The following SLC24A2 variants were observed in gnomAD, a reference collection of about 807,000 sequenced individuals.
SLC24A2 encodes solute carrier family 24 member 2, also known as sodium/potassium/calcium exchanger 2.
A neutral mutation model predicts 62.0 loss-of-function variants in SLC24A2; 36 were observed. That is an observed-to-expected ratio of 0.58 (90% CI 0.44 to 0.77). The LOEUF (loss-of-function observed/expected upper bound fraction) is 0.77. Ranked by LOEUF, SLC24A2 falls within the 30% of genes least tolerant of loss-of-function variation. The probability of loss-of-function intolerance (pLI) is 0.00; values close to 1 mark genes in which losing one functional copy is unlikely to be tolerated. For synonymous variants in SLC24A2, 358 were observed against 294.0 expected (o/e 1.22, Z -2.23); for missense variants, 846 against 817.9 (o/e 1.03, Z -0.42).
At chr9:20,043,910 A>T in the SLC24A2 span, among the ~76,000 whole-genome samples, 1 of 152,250 alleles carries the variant, frequency 6.6e-6, no homozygotes, top group East Asian at 1.9e-4. Flanking sequence ...GCTATCAAAC[A>T]GTATCACATG....
the SLC24A2 span, among the ~76,000 whole-genome samples, chr9:19,920,745 G>A: frequency 6.6e-6 from 1 of 152,168 alleles, no homozygotes; most frequent in Middle Eastern, 3.2e-3. Context: ...AGAGTCCTGG[G>A]CAGTAAGGGA....
At chr9:19,851,022 TACA>T in the SLC24A2 span, among the ~76,000 whole-genome samples, 870 of 65,642 alleles carry the variant, frequency 0.013, 62 homozygotes, top group Non-Finnish European at 0.022. Flanking sequence ...TATATATATA[TACA>T]TATTTTTTTT....
the SLC24A2 span, among the ~76,000 whole-genome samples, chr9:19,867,596 G>C: frequency 6.6e-6 from 1 of 151,908 alleles, no homozygotes. Flanking sequence ...CCCAGTGTTT[G>C]TCAATGTTAT....
chr9:20,272,883 C>A, the SLC24A2 span, among the ~76,000 whole-genome samples: 2 of 152,044 alleles, frequency 1.3e-5, no homozygotes, highest in Non-Finnish European at 2.9e-5. Context: ...CCCAAGGAGC[C>A]CAGTGGTGAT....
At chr9:19,753,123 G>C (rs1319119424) in intron 2 of SLC24A2, among the ~76,000 whole-genome samples, 1 of 152,094 alleles carries the variant, frequency 6.6e-6, no homozygotes, top group Non-Finnish European at 1.5e-5. Flanking sequence ...TAGCTGGATG[G>C]GCCTTGAATG....
chr9:19,647,178 C>T (rs1818667076), intron 2 of SLC24A2, among the ~76,000 whole-genome samples: 1 of 151,692 alleles, frequency 6.6e-6, no homozygotes, highest in Admixed American at 6.6e-5. Context: ...ATTTCTGTTT[C>T]CCTACTAGGT....
chr9:19,603,730 C>G (rs1386577756), intron 4 of SLC24A2, among the ~76,000 whole-genome samples: 1 of 152,200 alleles, frequency 6.6e-6, no homozygotes, highest in African/African-American at 2.4e-5. Context: ...CACCTTTCAC[C>G]TATCTTTCTC....
the SLC24A2 span, among the ~76,000 whole-genome samples, chr9:20,152,843 G>A: frequency 6.6e-6 from 1 of 151,802 alleles, no homozygotes; most frequent in Non-Finnish European, 1.5e-5. Flanking sequence ...TTTTAGGGAT[G>A]GCATCTGAGA....
At chr9:20,014,622 G>C in the SLC24A2 span, among the ~76,000 whole-genome samples, 1 of 151,832 alleles carries the variant, frequency 6.6e-6, no homozygotes. Context: ...AGTGAAATAA[G>C]CAAGGCACAA....
chr9:20,254,419 C>T, the SLC24A2 span, among the ~76,000 whole-genome samples: 1 of 152,234 alleles, frequency 6.6e-6, no homozygotes, highest in Non-Finnish European at 1.5e-5. Flanking sequence ...CCCTTGGCTA[C>T]ATCCATTCAA....
chr9:20,279,254 G>C, the SLC24A2 span, among the ~76,000 whole-genome samples: 21 of 152,358 alleles, frequency 1.4e-4, 1 homozygote, highest in African/African-American at 5.1e-4. Context: ...AAACCGGCCA[G>C]ACATGGTGGC....
At chr9:19,687,685 G>C (rs1357572868) in intron 2 of SLC24A2, among the ~76,000 whole-genome samples, 5 of 151,990 alleles carry the variant, frequency 3.3e-5, no homozygotes, top group African/African-American at 1.2e-4. Context: ...GTACTTACTT[G>C]CTCTCTGGCT....
At chr9:20,055,595 T>C in the SLC24A2 span, among the ~76,000 whole-genome samples, 3 of 151,834 alleles carry the variant, frequency 2.0e-5, no homozygotes, top group Non-Finnish European at 4.4e-5. Flanking sequence ...GATTTGAACT[T>C]AGACATACCA....
chr9:20,126,518 C>A, the SLC24A2 span, among the ~76,000 whole-genome samples: 1 of 152,080 alleles, frequency 6.6e-6, no homozygotes, highest in African/African-American at 2.4e-5. Context: ...TCCATAAATT[C>A]TTTTTAGAAT....
the SLC24A2 span, among the ~76,000 whole-genome samples, chr9:20,008,471 T>C: frequency 6.6e-6 from 1 of 152,126 alleles, no homozygotes; most frequent in African/African-American, 2.4e-5. Context: ...GATAACTGTA[T>C]CTACATTTGT....
At chr9:19,830,525 G>A in the SLC24A2 span, among the ~76,000 whole-genome samples, 1 of 152,078 alleles carries the variant, frequency 6.6e-6, no homozygotes, top group African/African-American at 2.4e-5. Flanking sequence ...CTACGAGTTG[G>A]ACCAACAATC....
Position 19,672,573 on chromosome 9 carries a change from C to T in SLC24A2, c.931-50274G>A, listed in dbSNP as rs149033672. ...GATTTCTGTTATTTCTTTTCTTGTG[C>T]GGGGTCTGGGTTTGGCTTGCTCTTG... On this transcript the variant is annotated intron_variant, in intron 2 of 10. Transcript: ENST00000341998. 3.7e-3 allele frequency among the ~76,000 whole-genome samples: 538 copies of T among 145,734 alleles called. 87 individuals are homozygous for T. The highest frequency in any genetic ancestry group is 0.014 in the African/African-American group (509 of 36,914).
chr9:20,072,373 G>A, the SLC24A2 span, among the ~76,000 whole-genome samples: 3 of 152,028 alleles, frequency 2.0e-5, no homozygotes, highest in Non-Finnish European at 4.4e-5. Context: ...GACAAGAGAA[G>A]GTCAGACAGA....
rs72153360 is a variant in SLC24A2 at position 19,731,516 on chromosome 9, C to CCGT, written c.930+54420_930+54421insACG. 2.5e-3 allele frequency among the ~76,000 whole-genome samples: 290 copies of CCGT among 113,792 alleles called. 2 individuals are homozygous for CCGT. The highest frequency in any genetic ancestry group is 5.0e-3 in the Middle Eastern group (1 of 202). 74.7% of individuals were successfully genotyped at this position (113,792 alleles called of 152,430 possible). On this transcript the variant is annotated intron_variant, in intron 2 of 10. Transcript: ENST00000341998. ...ACTTGTTTCTCTCTCTCTCTCTCTC[C>CCGT]GTGTGTGTGTGTGTGTGTGTGTGTG...
Sources: gnomAD v4.1 joint callset for allele counts (sites outside exome capture counted in the v4.1 genomes callset) on GRCh38, gnomAD v4.1.1 for gene constraint, MANE v1.5 for transcripts, NCBI Gene and HGNC (gene_info 2026-07-23, HGNC 2026-07-21) for gene names.